The following RAD51B variants were observed in gnomAD, a reference collection of about 807,000 sequenced individuals.
RAD51B encodes the protein DNA repair protein RAD51 homolog 2.
Under a neutral mutation model 42.2 loss-of-function variants are expected in RAD51B, and 38 were observed. The ratio of observed to expected loss-of-function variants is 0.90; its 90% CI spans 0.70 to 1.18. RAD51B has a LOEUF of 1.18. Ranked by LOEUF, RAD51B falls within the 50% of genes most tolerant of loss-of-function variation. RAD51B has a pLI of 0.00. For missense variants in RAD51B, 373 were observed against 400.7 expected (o/e 0.93, Z 0.59); for synonymous variants, 154 against 145.2 (o/e 1.06, Z -0.43).
intron 7 of RAD51B, among the ~76,000 whole-genome samples, chr14:67,955,694 G>A (rs2074533886): frequency 6.6e-6 from 1 of 152,192 alleles, no homozygotes; most frequent in South Asian, 2.1e-4. Context: ...TAGATTCTAT[G>A]TAGCTAAAAT....
At chr14:68,554,010 C>T (rs1888707896) in intron 10 of RAD51B, among the ~76,000 whole-genome samples, 1 of 152,118 alleles carries the variant, frequency 6.6e-6, no homozygotes, top group Non-Finnish European at 1.5e-5. Context: ...TACAGCAGAT[C>T]ACAGTTACAG....
intron 10 of RAD51B, among the ~76,000 whole-genome samples, chr14:68,625,796 G>T (rs1359095141): frequency 6.6e-6 from 1 of 152,192 alleles, no homozygotes; most frequent in African/African-American, 2.4e-5. Flanking sequence ...GGTTCTGAAG[G>T]TTTTCTCTCA....
At chr14:68,469,109 C>T in intron 10 of RAD51B, 2 of 514,336 alleles carry the variant, frequency 3.9e-6, no homozygotes, top group Non-Finnish European at 7.8e-6. Flanking sequence ...AGACCCCAAC[C>T]ACAGAGATGC....
At chr14:68,537,364 T>C (rs1372765700) in intron 10 of RAD51B, among the ~76,000 whole-genome samples, 4 of 151,978 alleles carry the variant, frequency 2.6e-5, no homozygotes, top group African/African-American at 9.7e-5. Flanking sequence ...CTGGTCGTGG[T>C]GGCGGGCGCC....
intron 11 of RAD51B, among the ~76,000 whole-genome samples, chr14:68,671,965 T>C (rs1355427107): frequency 6.6e-6 from 1 of 152,156 alleles, no homozygotes; most frequent in Non-Finnish European, 1.5e-5. Context: ...CCCTTGATAG[T>C]CCTAGAATCC....
chr14:67,969,048 G>A (rs191398495), intron 7 of RAD51B, among the ~76,000 whole-genome samples: 2 of 152,278 alleles, frequency 1.3e-5, no homozygotes, highest in East Asian at 3.9e-4. Flanking sequence ...AAAAGTGGAA[G>A]CCCCTGATAA....
chr14:67,898,179 C>T (rs1036432964), intron 7 of RAD51B, among the ~76,000 whole-genome samples: 8 of 152,046 alleles, frequency 5.3e-5, no homozygotes, highest in Admixed American at 1.3e-4. Context: ...ATCTAAATGT[C>T]CATCCATGGA....
At chr14:68,603,965 C>T (rs1338462191) in intron 10 of RAD51B, among the ~76,000 whole-genome samples, 1 of 152,222 alleles carries the variant, frequency 6.6e-6, no homozygotes, top group East Asian at 1.9e-4. Flanking sequence ...TCACTCTAGC[C>T]CAAATGAAAC....
intron 10 of RAD51B, among the ~76,000 whole-genome samples, chr14:68,579,872 G>A (rs1890132879): frequency 6.6e-6 from 1 of 152,254 alleles, no homozygotes; most frequent in Admixed American, 6.5e-5. Context: ...ACCGTCGGCT[G>A]CAGCAGAGAC....
At chr14:67,915,423 C>T (rs1421317915) in intron 7 of RAD51B, among the ~76,000 whole-genome samples, 1 of 152,128 alleles carries the variant, frequency 6.6e-6, no homozygotes, top group Non-Finnish European at 1.5e-5. Flanking sequence ...TCAGAATAGG[C>T]CTTTTCTTTT....
chr14:68,072,213 T>TATATATATAC (rs1049305713), intron 7 of RAD51B, among the ~76,000 whole-genome samples: 1 of 143,626 alleles, frequency 7.0e-6, no homozygotes, highest in African/African-American at 2.6e-5. Context: ...CTAGGTTTTA[T>TATATATATAC]ATATATATAT....
chr14:68,131,702 A>T (rs1471881362), intron 7 of RAD51B, among the ~76,000 whole-genome samples: 1 of 152,214 alleles, frequency 6.6e-6, no homozygotes, highest in African/African-American at 2.4e-5. Context: ...TCTCAAAAAA[A>T]TAAAAAAATA....
chr14:68,195,313 A>G (rs2079346785), intron 7 of RAD51B, among the ~76,000 whole-genome samples: 1 of 152,074 alleles, frequency 6.6e-6, no homozygotes, highest in Non-Finnish European at 1.5e-5. Context: ...AATGCAAACA[A>G]CCACCTGTTG....
intron 7 of RAD51B, among the ~76,000 whole-genome samples, chr14:67,939,573 T>C (rs998103098): frequency 6.6e-6 from 1 of 152,202 alleles, no homozygotes; most frequent in Non-Finnish European, 1.5e-5. Flanking sequence ...CATGTATAGC[T>C]TCACTGGGAT....
intron 10 of RAD51B, among the ~76,000 whole-genome samples, chr14:68,515,266 A>G (rs1886049793): frequency 6.6e-6 from 1 of 152,152 alleles, no homozygotes; most frequent in African/African-American, 2.4e-5. Context: ...GTCTCCAGTA[A>G]TCTCAAGTTC....
At chr14:68,619,458 T>C (rs1384345150) in intron 10 of RAD51B, among the ~76,000 whole-genome samples, 2 of 120,958 alleles carry the variant, frequency 1.7e-5, no homozygotes, top group South Asian at 2.8e-4. Context: ...TGAGACTCCA[T>C]CTCAAAAAAA....
chr14:68,606,894 G>A (rs1404020911), intron 10 of RAD51B, among the ~76,000 whole-genome samples: 1 of 152,204 alleles, frequency 6.6e-6, no homozygotes, highest in African/African-American at 2.4e-5. Flanking sequence ...CGCATAAGAT[G>A]ATGATAACAT....
At chr14:68,536,343 T>C (rs1365316146) in intron 10 of RAD51B, among the ~76,000 whole-genome samples, 1 of 152,220 alleles carries the variant, frequency 6.6e-6, no homozygotes, top group Non-Finnish European at 1.5e-5. Context: ...GCAGCCACCA[T>C]TCCCAACCCC....
chr14:68,275,779 T>A (rs546614233), intron 7 of RAD51B, among the ~76,000 whole-genome samples: 14 of 147,130 alleles, frequency 9.5e-5, no homozygotes, highest in Admixed American at 9.0e-4. Flanking sequence ...CTAAATACAG[T>A]TTGAAACTAG....
Sources: gnomAD v4.1 joint callset for allele counts (sites outside exome capture counted in the v4.1 genomes callset) on GRCh38, gnomAD v4.1.1 for gene constraint, MANE v1.5 for transcripts, NCBI Gene and HGNC (gene_info 2026-07-23, HGNC 2026-07-21) for gene names.